SEMA3E: variants seen among roughly 807,000 people sequenced by gnomAD.
SEMA3E encodes semaphorin-3E.
A neutral mutation model predicts 93.6 loss-of-function variants in SEMA3E; 49 were observed. The ratio of observed to expected loss-of-function variants is 0.52; its 90% confidence interval spans 0.42 to 0.66. SEMA3E has a LOEUF of 0.66. Among genes scored for constraint, SEMA3E ranks in the 30% least tolerant of loss-of-function variants. The pLI is 0.00. For missense variants in SEMA3E, 906 were observed against 964.8 expected, an observed-to-expected ratio of 0.94 and a Z score of 0.81; for synonymous variants, 363 against 330.7, an observed-to-expected ratio of 1.10 and a Z score of -1.06.
chr7:83,488,388 G>A lies in SEMA3E; in HGVS notation c.276+1726C>T, dbSNP rs78363957. 6.1e-3 allele frequency among the ~76,000 whole-genome samples: 933 copies of A among 152,152 alleles called. 9 individuals are homozygous for A. Among genetic ancestry groups the A allele is most frequent in the African/African-American group, 0.022 (898 of 41,526 alleles). ...AAACAGGAGAAGGTTTTAAAACACA[G>A]AGATTAATTAAAGAAGGGATTCCAA... On this transcript the variant is annotated intron_variant, in intron 2 of 16. Transcript: ENST00000643230.
At chr7:83,644,368 T>A (rs1260031028) in intron 1 of SEMA3E, among the ~76,000 whole-genome samples, 2 of 151,950 alleles carry the variant, frequency 1.3e-5, no homozygotes, top group African/African-American at 4.8e-5. Context: ...CTTTATCCTG[T>A]CTTCTATATT....
chr7:83,405,133 G>A (rs772563782), intron 9 of SEMA3E, among the ~76,000 whole-genome samples: 7 of 151,852 alleles, frequency 4.6e-5, no homozygotes, highest in Non-Finnish European at 7.4e-5. Context: ...ACATTGTAAG[G>A]ACTGATATCT....
chr7:83,600,501 T>G (rs1486865168), intron 1 of SEMA3E, among the ~76,000 whole-genome samples: 1 of 127,972 alleles, frequency 7.8e-6, no homozygotes, highest in East Asian at 2.3e-4. Context: ...TTTTTTTTTT[T>G]TTTTTTTTTT....
At chr7:83,400,463 T>C (rs775898366) in intron 10 of SEMA3E, among the ~76,000 whole-genome samples, 7 of 152,112 alleles carry the variant, frequency 4.6e-5, no homozygotes, top group Non-Finnish European at 7.3e-5. Flanking sequence ...TAAACTCATG[T>C]TGTTGTACAG....
chr7:83,581,751 C>G (rs1792522611), intron 1 of SEMA3E, among the ~76,000 whole-genome samples: 1 of 151,996 alleles, frequency 6.6e-6, no homozygotes, highest in Non-Finnish European at 1.5e-5. Context: ...TAAACTGCTA[C>G]TGGAGTCAGA....
intron 11 of SEMA3E, among the ~76,000 whole-genome samples, chr7:83,398,352 A>T (rs2115608439): frequency 6.6e-6 from 1 of 152,296 alleles, no homozygotes; most frequent in South Asian, 2.1e-4. Context: ...CATTAAAGTA[A>T]CAGAAAAAAA....
rs375782905 is a variant in SEMA3E, at chr7:83,508,615, A to G, written c.116-18341T>C. Reference sequence around the variant, plus strand: ...ACTGGCAGAAGTTGTAACTCCTTCTATAAAATCAATTATATTTGCAATATT... The same window carrying G: ...ACTGGCAGAAGTTGTAACTCCTTCTGTAAAATCAATTATATTTGCAATATT... On this transcript the variant is annotated intron_variant, in intron 1 of 16. Transcript: ENST00000643230. Among the ~76,000 whole-genome samples, 13 of 152,308 alleles carry G rather than the reference A, an allele frequency of 8.5e-5. 1 individual carries two copies. Among genetic ancestry groups the G allele is most frequent in the Admixed American group, 1.3e-4 (2 of 15,306 alleles).
chr7:83,441,063 A>G (rs954205883), intron 4 of SEMA3E, among the ~76,000 whole-genome samples: 3 of 152,180 alleles, frequency 2.0e-5, no homozygotes, highest in African/African-American at 7.2e-5. Context: ...GCAGAGACAT[A>G]GTGAGATTAA....
chr7:83,474,444 T>A (rs142546041), intron 2 of SEMA3E, among the ~76,000 whole-genome samples: 1 of 152,254 alleles, frequency 6.6e-6, no homozygotes, highest in Admixed American at 6.5e-5. Flanking sequence ...ATATTCAGCA[T>A]CATGTGTTCT....
At chr7:83,531,299 A>T (rs1791291572) in intron 1 of SEMA3E, among the ~76,000 whole-genome samples, 1 of 147,526 alleles carries the variant, frequency 6.8e-6, no homozygotes. Flanking sequence ...TTTTTTTTTA[A>T]CAAGTTATTT....
intron 1 of SEMA3E, among the ~76,000 whole-genome samples, chr7:83,617,468 T>TTTTATATAAATAATATATAA: frequency 3.1e-5 from 1 of 32,058 alleles, no homozygotes; most frequent in Non-Finnish European, 5.6e-5. Flanking sequence ...TAATATATAA[T>TTTTATATAAATAATATATAA]TTTATATAAA....
At chr7:83,610,728 C>T (rs748026608) in intron 1 of SEMA3E, among the ~76,000 whole-genome samples, 3 of 151,936 alleles carry the variant, frequency 2.0e-5, no homozygotes, top group Non-Finnish European at 2.9e-5. Context: ...TGGGGAGGGA[C>T]ACAGACAGGG....
chr7:83,389,956 ATAGTG>A (rs1285980860), intron 14 of SEMA3E, among the ~76,000 whole-genome samples: 2 of 25,194 alleles, frequency 7.9e-5, no homozygotes, highest in Non-Finnish European at 2.5e-4. Flanking sequence ...GTATATGTGT[ATAGTG>A]TATACGTATA....
intron 1 of SEMA3E, among the ~76,000 whole-genome samples, chr7:83,548,555 A>T (rs950590866): frequency 7.2e-5 from 11 of 152,078 alleles, no homozygotes; most frequent in African/African-American, 2.4e-4. Context: ...AGAGTCTTTT[A>T]TATCTAGAAA....
intron 2 of SEMA3E, among the ~76,000 whole-genome samples, chr7:83,472,847 A>G (rs1290529276): frequency 1.3e-5 from 2 of 152,170 alleles, no homozygotes; most frequent in African/African-American, 4.8e-5. Context: ...TGTTCTCGTG[A>G]TAGTGAGTGA....
chr7:83,385,606 G>C (rs1787863292), intron 15 of SEMA3E, among the ~76,000 whole-genome samples, 173 bp from the exon 16 acceptor site: 1 of 151,994 alleles, frequency 6.6e-6, no homozygotes, highest in African/African-American at 2.4e-5. Context: ...CAAAATTTAG[G>C]CATGAAACAA....
At chr7:83,412,220 G>C (rs1788451155) in intron 5 of SEMA3E, among the ~76,000 whole-genome samples, 1 of 152,054 alleles carries the variant, frequency 6.6e-6, no homozygotes, top group African/African-American at 2.4e-5. Flanking sequence ...CTTTTTTAGT[G>C]TAGTGGTTCC....
chr7:83,601,569 G>T (rs1039497793), intron 1 of SEMA3E, among the ~76,000 whole-genome samples: 1 of 152,190 alleles, frequency 6.6e-6, no homozygotes, highest in East Asian at 1.9e-4. Context: ...TCTGACCCAA[G>T]CTCTTATAGT....
chr7:83,560,216 AC>A (rs909498853), intron 1 of SEMA3E, among the ~76,000 whole-genome samples: 3 of 152,058 alleles, frequency 2.0e-5, no homozygotes, highest in African/African-American at 7.2e-5. Context: ...TAAACTATGA[AC>A]TTTGGGTGTC....
Sources: allele counts gnomAD v4.1 joint callset (sites outside exome capture counted in the v4.1 genomes callset), GRCh38; gene constraint gnomAD v4.1.1; transcripts MANE v1.5; gene names NCBI Gene and HGNC (gene_info 2026-07-23, HGNC 2026-07-21).